DMD: variants seen among roughly 807,000 people sequenced by gnomAD.
The protein encoded by DMD is dystrophin.
A neutral mutation model predicts 330.1 loss-of-function variants in DMD; 63 were observed. The ratio of observed to expected loss-of-function variants is 0.19; its 90% confidence interval spans 0.16 to 0.24. DMD has a LOEUF of 0.24. Ranked by LOEUF, DMD falls within the 10% of genes least tolerant of loss-of-function variation. The pLI is 1.00. For synonymous variants in DMD, 1,223 were observed against 959.8 expected (o/e 1.27, Z -5.07); for missense variants, 3,344 against 2,684.1 (o/e 1.25, Z -5.43).
In DMD at chrX:32,364,689, T is replaced by C. The variant is rs1057515873; in HGVS notation, c.5047A>G (p.Thr1683Ala). The change falls in exon 36 of 79, where the codon ACT (threonine) becomes GCT (alanine). Residue 1683 changes from threonine to alanine, a missense_variant. Physicochemically the swap from Thr to Ala is moderately conservative, Grantham distance 58. Transcript: ENST00000357033. The stretch of plus-strand genomic sequence containing the variant: ...ATGTGGTCCACATTCTGGTCAAAAG[T>C]TTCCATGTGTTTCTGGTATTCCTTA... ...LLLEYQKHME[T>A]FDQNVDHITK... 1.7e-6 allele frequency: 2 copies of C among 1,207,552 alleles called. No homozygotes were observed. The highest frequency in any genetic ancestry group is 3.5e-5 in the African/African-American group (2 of 57,116).
intron 44 of DMD, among the ~76,000 whole-genome samples, chrX:32,093,890 T>G (rs980660625): frequency 9.0e-6 from 1 of 110,896 alleles, no homozygotes; most frequent in African/African-American, 3.3e-5. Context: ...CAAGAAAAAT[T>G]AGTTTAAAAT....
At chrX:32,416,256 A>T (rs1447680313) in intron 29 of DMD, among the ~76,000 whole-genome samples, 1 of 112,382 alleles carries the variant, frequency 8.9e-6, no homozygotes, top group Non-Finnish European at 1.9e-5. Flanking sequence ...TACTTATTAA[A>T]CTCAATACAA....
intron 7 of DMD, among the ~76,000 whole-genome samples, chrX:32,709,537 T>G (rs1485002059): frequency 1.8e-5 from 2 of 111,806 alleles, no homozygotes; most frequent in Non-Finnish European, 3.8e-5. Context: ...CTAAAAGCAC[T>G]CTAATGTCAT....
At chrX:31,672,862 C>T (rs5971587) in intron 53 of DMD, among the ~76,000 whole-genome samples, 44,980 of 110,822 alleles carry the variant, frequency 0.41, 7,484 homozygotes, top group African/African-American at 0.61. Flanking sequence ...CAGAGCTTCA[C>T]TGGAAGTTTT....
chrX:33,263,021 T>C (rs150824541), intron 1 of DMD, among the ~76,000 whole-genome samples: 48 of 110,769 alleles, frequency 4.3e-4, no homozygotes, highest in African/African-American at 1.4e-3. Flanking sequence ...AAAGTGTCAA[T>C]ATCTAGTTGA....
chrX:31,875,834 G>A, intron 47 of DMD, among the ~76,000 whole-genome samples: 1 of 112,405 alleles, frequency 8.9e-6, no homozygotes, highest in Non-Finnish European at 1.9e-5. Context: ...TCCCAAATGA[G>A]TGATTTTTAT....
At chrX:33,096,334 T>C (rs1273188417) in intron 1 of DMD, among the ~76,000 whole-genome samples, 1 of 111,525 alleles carries the variant, frequency 9.0e-6, no homozygotes, top group African/African-American at 3.3e-5. Flanking sequence ...TCTTTGTGAA[T>C]GCATATTTTA....
intron 1 of DMD, among the ~76,000 whole-genome samples, chrX:33,073,167 A>T (rs753733082): frequency 8.9e-6 from 1 of 111,892 alleles, no homozygotes; most frequent in South Asian, 3.7e-4. Flanking sequence ...GTTTTGGTGC[A>T]AGGTGGTTTA....
intron 44 of DMD, among the ~76,000 whole-genome samples, chrX:31,991,359 A>G (rs5972470): frequency 0.5 from 55,264 of 109,776 alleles, 10,740 homozygotes; most frequent in Non-Finnish European, 0.61. Flanking sequence ...AACGTAAGGT[A>G]CTATGACTTT....
At chrX:33,148,521 AAGTT>A (rs1029992015) in intron 1 of DMD, among the ~76,000 whole-genome samples, 5 of 111,296 alleles carry the variant, frequency 4.5e-5, no homozygotes, top group South Asian at 7.3e-4. Context: ...TTTTATCTAA[AAGTT>A]AGAGAACGAA....
rs746454725 is a variant in DMD, at chrX:32,666,454, G to A, written c.961-21302C>T. Among the ~76,000 whole-genome samples, 9 of 110,721 alleles carry A rather than the reference G, an allele frequency of 8.1e-5. No individual in the cohort carries two copies. The South Asian group carries it at 1.5e-3, about 19-fold the overall frequency. ...CTCCCACTTATGAGTGAGAACATGC[G>A]GTATTTGGTTTTCTGTTCCTGGGTT... On this transcript the variant is annotated intron_variant, in intron 9 of 78. Transcript: ENST00000357033.
At chrX:32,688,029 C>T (rs935451127) in intron 9 of DMD, among the ~76,000 whole-genome samples, 4 of 111,393 alleles carry the variant, frequency 3.6e-5, no homozygotes, top group Admixed American at 2.9e-4. Flanking sequence ...TTAAGAGGCC[C>T]TTCCTAAAGA....
chrX:31,773,844 G>T, intron 51 of DMD, 116 bp downstream of exon 51: 1 of 595,221 alleles, frequency 1.7e-6, no homozygotes, highest in Non-Finnish European at 2.8e-6. Flanking sequence ...TGTTTGCTGA[G>T]AGAGAAACAG....
intron 50 of DMD, among the ~76,000 whole-genome samples, chrX:31,795,967 A>G (rs1468752738): frequency 8.9e-6 from 1 of 111,989 alleles, no homozygotes; most frequent in Non-Finnish European, 1.9e-5. Context: ...GGAGTTACAA[A>G]TAGTTTAGTA....
At chrX:33,101,724 C>T (rs928023285) in intron 1 of DMD, among the ~76,000 whole-genome samples, 4 of 112,510 alleles carry the variant, frequency 3.6e-5, no homozygotes, top group African/African-American at 9.7e-5. Flanking sequence ...GTGTTGAATG[C>T]GTAGTGCCTG....
At chrX:32,701,556 T>A (rs939197625) in intron 7 of DMD, among the ~76,000 whole-genome samples, 3 of 111,644 alleles carry the variant, frequency 2.7e-5, no homozygotes, top group Non-Finnish European at 5.7e-5. Context: ...GATACTATAC[T>A]TCACCGTATC....
chrX:32,770,128 G>T (rs990795030), intron 7 of DMD, among the ~76,000 whole-genome samples: 1 of 111,909 alleles, frequency 8.9e-6, no homozygotes, highest in Non-Finnish European at 1.9e-5. Flanking sequence ...GCAATAAAAG[G>T]CAGGCATAGA....
chrX:31,678,355 A>G (rs1258231096), intron 53 of DMD, among the ~76,000 whole-genome samples: 1 of 110,798 alleles, frequency 9.0e-6, no homozygotes, highest in Non-Finnish European at 1.9e-5. Context: ...AATCTGATCA[A>G]CCTCCTACCA....
intron 49 of DMD, among the ~76,000 whole-genome samples, chrX:31,834,952 G>T (rs1446101976): frequency 8.9e-6 from 1 of 111,902 alleles, no homozygotes; most frequent in African/African-American, 3.2e-5. Flanking sequence ...ACAGCTCCTG[G>T]TTCTTTCTTT....
Sources: allele counts gnomAD v4.1 joint callset (sites outside exome capture counted in the v4.1 genomes callset), GRCh38; gene constraint gnomAD v4.1.1; transcripts MANE v1.5; gene names NCBI Gene and HGNC (gene_info 2026-07-23, HGNC 2026-07-21).